RBMS3: variants seen among roughly 807,000 people sequenced by gnomAD.
The protein encoded by RBMS3 is RNA binding motif single stranded interacting protein 3.
Under a neutral mutation model 66.8 loss-of-function variants are expected in RBMS3, and 27 were observed. That is an observed-to-expected ratio of 0.40 (90% CI 0.30 to 0.56). RBMS3 has a LOEUF of 0.56. Among genes scored for constraint, RBMS3 ranks in the 20% least tolerant of loss-of-function variants. The pLI is 0.40. For synonymous variants in RBMS3, 188 were observed against 183.0 expected (o/e 1.03, Z -0.22); for missense variants, 513 against 549.5 (o/e 0.93, Z 0.66).
chr3:29,655,633 A>G (rs937085896), intron 4 of RBMS3, among the ~76,000 whole-genome samples: 4 of 152,226 alleles, frequency 2.6e-5, no homozygotes, highest in Non-Finnish European at 5.9e-5. Context: ...TGTATGGTAC[A>G]TAATGCTAAT....
intron 1 of RBMS3, among the ~76,000 whole-genome samples, chr3:29,330,109 T>C (rs184104417): frequency 1.3e-5 from 2 of 152,274 alleles, no homozygotes; most frequent in Non-Finnish European, 2.9e-5. Flanking sequence ...TCTATGTCTG[T>C]ACCACATAGA....
chr3:29,392,580 T>C (rs1387229791), intron 1 of RBMS3, among the ~76,000 whole-genome samples: 2 of 152,252 alleles, frequency 1.3e-5, no homozygotes, highest in Non-Finnish European at 2.9e-5. Flanking sequence ...AATTTGATAC[T>C]GTGTCCTCCT....
chr3:29,448,358 C>T (rs901526473), intron 2 of RBMS3, among the ~76,000 whole-genome samples: 3 of 152,132 alleles, frequency 2.0e-5, no homozygotes, highest in Non-Finnish European at 2.9e-5. Context: ...GGAAAGGAGG[C>T]GTATTTCCAG....
intron 3 of RBMS3, among the ~76,000 whole-genome samples, chr3:29,533,328 A>G (rs554855230): frequency 7.9e-5 from 12 of 152,238 alleles, no homozygotes; most frequent in African/African-American, 2.9e-4. Context: ...AAAATAAAAA[A>G]AAAATTAGTG....
chr3:29,626,477 A>T (rs1227200879), intron 4 of RBMS3, among the ~76,000 whole-genome samples: 1 of 152,174 alleles, frequency 6.6e-6, no homozygotes, highest in Non-Finnish European at 1.5e-5. Context: ...TAAATATTGC[A>T]GTGTGAGTGG....
At chr3:29,861,989 C>T (rs2059227939) in intron 6 of RBMS3, among the ~76,000 whole-genome samples, 1 of 152,138 alleles carries the variant, frequency 6.6e-6, no homozygotes, top group Non-Finnish European at 1.5e-5. Context: ...TCTATTTTAA[C>T]TACTGTTAAA....
intron 1 of RBMS3, among the ~76,000 whole-genome samples, chr3:29,372,387 T>C (rs1263750885): frequency 6.6e-6 from 1 of 152,168 alleles, no homozygotes; most frequent in Non-Finnish European, 1.5e-5. Context: ...AAAAGAACTT[T>C]AATAATTCCG....
intron 4 of RBMS3, among the ~76,000 whole-genome samples, chr3:29,710,545 CACTAT>C (rs1244295747): frequency 3.3e-5 from 5 of 152,166 alleles, no homozygotes; most frequent in Admixed American, 2.6e-4. Context: ...GCCTGACTGG[CACTAT>C]ACTCTTTCCA....
At chr3:29,834,176 T>C (rs942904115) in intron 6 of RBMS3, among the ~76,000 whole-genome samples, 1 of 152,126 alleles carries the variant, frequency 6.6e-6, no homozygotes, top group African/African-American at 2.4e-5. Context: ...ACCACCATTA[T>C]ACTTGCCTTA....
intron 14 of RBMS3, among the ~76,000 whole-genome samples, chr3:29,997,194 T>C (rs910277179): frequency 1.3e-5 from 2 of 152,094 alleles, no homozygotes; most frequent in African/African-American, 4.8e-5. Context: ...CCTGGACACA[T>C]ACACTCTCTC....
chr3:29,724,140 A>G (rs1200292794), intron 4 of RBMS3, among the ~76,000 whole-genome samples: 1 of 152,112 alleles, frequency 6.6e-6, no homozygotes, highest in African/African-American at 2.4e-5. Flanking sequence ...TTGCTAATAC[A>G]GTGGCCACAT....
intron 3 of RBMS3, among the ~76,000 whole-genome samples, chr3:29,556,946 C>G (rs73828702): frequency 0.014 from 2,170 of 152,232 alleles, 44 homozygotes; most frequent in African/African-American, 0.05. Flanking sequence ...GACGTACACT[C>G]CACAGCTCCC....
chr3:29,496,195 C>CAAAAAAAA (rs60639896), intron 3 of RBMS3, among the ~76,000 whole-genome samples: 47 of 109,094 alleles, frequency 4.3e-4, no homozygotes, highest in Non-Finnish European at 6.3e-4. Flanking sequence ...CCGCCCACAT[C>CAAAAAAAA]AAAAAAAAAA....
rs775377508 is a variant in RBMS3 at position 29,495,417 on chromosome 3, C to CTTTTT, written c.307+6935_307+6939dup. ...ATGTGAGGGAAATACATATTTCTTT[C>CTTTTT]TTTTTTTTTTTTTTTTTTTTTGAGA... On this transcript the variant is annotated intron_variant, in intron 3 of 14. Transcript: ENST00000383767. Among the ~76,000 whole-genome samples, 254 of 111,748 alleles carry CTTTTT rather than the reference C, an allele frequency of 2.3e-3. 1 individual carries two copies. Among genetic ancestry groups the CTTTTT allele is most frequent in the Non-Finnish European group, 2.8e-3 (145 of 52,634 alleles). The allele number at this position is 111,748 out of a possible 152,430, so 73.3% of individuals were successfully genotyped here. A position where few individuals can be genotyped will look rare whatever the true frequency, so the allele number is the denominator to read the frequency against.
chr3:29,649,952 C>T (rs746751694), intron 4 of RBMS3, among the ~76,000 whole-genome samples: 16 of 152,166 alleles, frequency 1.1e-4, no homozygotes, highest in Non-Finnish European at 1.9e-4. Flanking sequence ...AGGAGTGTCA[C>T]ATCGCACAAG....
At chr3:29,638,968 G>A (rs1576415314) in intron 4 of RBMS3, among the ~76,000 whole-genome samples, 4 of 151,852 alleles carry the variant, frequency 2.6e-5, no homozygotes, top group Admixed American at 2.6e-4. Context: ...TCTGCTATAA[G>A]TGTGAATCAT....
At chr3:29,838,023 G>A (rs1225187324) in intron 6 of RBMS3, among the ~76,000 whole-genome samples, 1 of 151,106 alleles carries the variant, frequency 6.6e-6, no homozygotes, top group Non-Finnish European at 1.5e-5. Flanking sequence ...ACTGAAATAG[G>A]CCACTTAAAA....
intron 1 of RBMS3, among the ~76,000 whole-genome samples, chr3:29,287,251 A>G (rs2032427243): frequency 2.0e-5 from 3 of 152,156 alleles, no homozygotes; most frequent in South Asian, 4.1e-4. Context: ...ATTTAATTAG[A>G]AAACACATAG....
chr3:29,817,466 A>T (rs2057945635), intron 6 of RBMS3, among the ~76,000 whole-genome samples: 1 of 152,052 alleles, frequency 6.6e-6, no homozygotes, highest in African/African-American at 2.4e-5. Context: ...CAGCCTCCCA[A>T]AGTGCTGGGA....
Sources: gnomAD v4.1 joint callset for allele counts (sites outside exome capture counted in the v4.1 genomes callset) on GRCh38, gnomAD v4.1.1 for gene constraint, MANE v1.5 for transcripts, NCBI Gene and HGNC (gene_info 2026-07-23, HGNC 2026-07-21) for gene names.